TMEM163: variants seen among roughly 807,000 people sequenced by gnomAD.
The protein encoded by TMEM163 is transmembrane protein 163.
A neutral mutation model predicts 29.3 loss-of-function variants in TMEM163; 17 were observed. That is an observed-to-expected ratio of 0.58 (90% confidence interval 0.40 to 0.87). The LOEUF (loss-of-function observed/expected upper bound fraction) is 0.87, where lower values mean the gene tolerates loss of function less well. TMEM163 is among the 40% of genes least tolerant of loss of function. TMEM163 has a pLI of 0.00. For missense variants in TMEM163, 303 were observed against 381.5 expected, an observed-to-expected ratio of 0.79 and a Z score of 1.71; for synonymous variants, 157 against 160.6, an observed-to-expected ratio of 0.98 and a Z score of 0.17.
intron 2 of TMEM163, among the ~76,000 whole-genome samples, chr2:134,691,352 G>T (rs1009122306): frequency 6.6e-5 from 10 of 152,098 alleles, no homozygotes; most frequent in Non-Finnish European, 2.9e-5. Flanking sequence ...CCTAGCGTAG[G>T]CACCAAACAT....
chr2:134,572,162 T>C (rs1681444822), intron 2 of TMEM163, among the ~76,000 whole-genome samples: 1 of 152,154 alleles, frequency 6.6e-6, no homozygotes, highest in South Asian at 2.1e-4. Context: ...ATGGAGCACC[T>C]TGCACAAAAT....
At chr2:134,521,829 T>C (rs1641856350) in intron 4 of TMEM163, among the ~76,000 whole-genome samples, 1 of 152,044 alleles carries the variant, frequency 6.6e-6, no homozygotes, top group Non-Finnish European at 1.5e-5. Flanking sequence ...TAACCCCTCC[T>C]AGGAGGCAGG....
intron 2 of TMEM163, among the ~76,000 whole-genome samples, chr2:134,592,869 G>GATATAGAT (rs147345127): frequency 1.3e-5 from 2 of 148,202 alleles, no homozygotes; most frequent in Admixed American, 6.7e-5. Context: ...TATTAATATA[G>GATATAGAT]AGATAGATAG....
At chr2:134,623,438 A>G (rs1574288497) in intron 2 of TMEM163, among the ~76,000 whole-genome samples, 1 of 152,188 alleles carries the variant, frequency 6.6e-6, no homozygotes, top group Admixed American at 6.5e-5. Flanking sequence ...AAAAACCAGA[A>G]AGTTCACAAT....
At chr2:134,458,528 A>G in intron 6 of TMEM163, 1 of 232,872 alleles carries the variant, frequency 4.3e-6, no homozygotes, top group Non-Finnish European at 8.7e-6. Context: ...GGACAGTTCC[A>G]GGCTCACAGT....
chr2:134,497,554 C>T lies in TMEM163; in HGVS notation c.555+5347G>A, dbSNP rs78678881. Among the ~76,000 whole-genome samples the T allele has an allele frequency of 1.6e-3, 246 of 152,256 alleles. 1 individual carries two copies. The highest frequency in any genetic ancestry group is 4.9e-3 in the African/African-American group (204 of 41,550). On this transcript the variant is annotated intron_variant, in intron 5 of 7. Coordinates refer to ENST00000281924, the MANE Select transcript of TMEM163 (RefSeq NM_030923.5). ...CACAGAGATAGCTCAAGGGCAAGGACGGGACTTCTAGAACCTTAAATTTAG... is the reference window on the plus strand; with the variant it reads ...CACAGAGATAGCTCAAGGGCAAGGATGGGACTTCTAGAACCTTAAATTTAG...
intron 2 of TMEM163, among the ~76,000 whole-genome samples, chr2:134,641,679 A>G (rs1187890513): frequency 1.3e-5 from 2 of 152,176 alleles, no homozygotes; most frequent in East Asian, 3.8e-4. Context: ...AGATCAGGAA[A>G]AGACAAAGAA....
chr2:134,648,348 T>TTCTCTTCTCTTC (rs1558977053), intron 2 of TMEM163, among the ~76,000 whole-genome samples: 4 of 151,928 alleles, frequency 2.6e-5, no homozygotes, highest in African/African-American at 4.8e-5. Context: ...TTCTCTTCTC[T>TTCTCTTCTCTTC]GCTGTGTGGA....
chr2:134,538,979 T>G (rs1346832630), intron 4 of TMEM163, among the ~76,000 whole-genome samples: 1 of 152,162 alleles, frequency 6.6e-6, no homozygotes, highest in African/African-American at 2.4e-5. Context: ...GGTGACAGTA[T>G]GCTATGTGAT....
chr2:134,621,192 A>T (rs1417756510), intron 2 of TMEM163, among the ~76,000 whole-genome samples: 1 of 152,222 alleles, frequency 6.6e-6, no homozygotes, highest in Non-Finnish European at 1.5e-5. Context: ...TTCACCAAAG[A>T]AGAAAACACA....
intron 2 of TMEM163, among the ~76,000 whole-genome samples, chr2:134,592,022 G>C (rs1437167610): frequency 6.6e-6 from 1 of 152,222 alleles, no homozygotes; most frequent in African/African-American, 2.4e-5. Flanking sequence ...GTTCAGCCTG[G>C]AAAGGCAGGA....
chr2:134,484,993 A>T (rs1056400024), intron 5 of TMEM163, among the ~76,000 whole-genome samples: 17 of 152,228 alleles, frequency 1.1e-4, no homozygotes, highest in African/African-American at 3.9e-4. Flanking sequence ...GGATAAAAAC[A>T]AAAACTTGGA....
intron 5 of TMEM163, among the ~76,000 whole-genome samples, chr2:134,481,565 C>A (rs1243732139): frequency 6.6e-6 from 1 of 152,168 alleles, no homozygotes; most frequent in Non-Finnish European, 1.5e-5. Flanking sequence ...GTCCATTAAA[C>A]CTCTTTTTCC....
At chr2:134,594,377 T>C (rs1349206313) in intron 2 of TMEM163, among the ~76,000 whole-genome samples, 1 of 152,180 alleles carries the variant, frequency 6.6e-6, no homozygotes, top group African/African-American at 2.4e-5. Flanking sequence ...ACTGTGAGTT[T>C]CCAGTGAGTG....
intron 5 of TMEM163, among the ~76,000 whole-genome samples, chr2:134,472,380 T>A (rs1686825610): frequency 6.6e-6 from 1 of 152,202 alleles, no homozygotes; most frequent in African/African-American, 2.4e-5. Flanking sequence ...ATTTTAAACA[T>A]ATGAAAAAGG....
chr2:134,481,568 C>T (rs913258316), intron 5 of TMEM163, among the ~76,000 whole-genome samples: 7 of 152,162 alleles, frequency 4.6e-5, no homozygotes, highest in African/African-American at 1.7e-4. Context: ...CATTAAACCT[C>T]TTTTTCCTTG....
At chr2:134,514,301 G>A (rs1221279010) in intron 4 of TMEM163, among the ~76,000 whole-genome samples, 1 of 151,790 alleles carries the variant, frequency 6.6e-6, no homozygotes, top group East Asian at 1.9e-4. Flanking sequence ...AGTCAAAGTC[G>A]GGGGTGTCAA....
At chr2:134,701,103 A>G (rs1684693697) in intron 2 of TMEM163, among the ~76,000 whole-genome samples, 2 of 151,970 alleles carry the variant, frequency 1.3e-5, no homozygotes, top group African/African-American at 4.8e-5. Flanking sequence ...GACGATGTAC[A>G]AAGACACTAA....
At chr2:134,577,895 T>C (rs976628434) in intron 2 of TMEM163, among the ~76,000 whole-genome samples, 3 of 152,178 alleles carry the variant, frequency 2.0e-5, no homozygotes, top group Non-Finnish European at 2.9e-5. Flanking sequence ...GTATTAGGTA[T>C]TGTAAGTACA....
Sources: gnomAD v4.1 joint callset for allele counts (sites outside exome capture counted in the v4.1 genomes callset) on GRCh38, gnomAD v4.1.1 for gene constraint, MANE v1.5 for transcripts, NCBI Gene and HGNC (gene_info 2026-07-23, HGNC 2026-07-21) for gene names.